SULF2: variants seen among roughly 807,000 people sequenced by gnomAD.
SULF2 encodes the protein sulfatase 2, also known as extracellular sulfatase Sulf-2.
In SULF2, 52 loss-of-function variants were observed where a neutral mutation model predicts 107.7. The ratio of observed to expected loss-of-function variants is 0.48; its 90% CI spans 0.39 to 0.61. SULF2 has a LOEUF of 0.61. Ranked by LOEUF, SULF2 falls within the 20% of genes least tolerant of loss-of-function variation. SULF2 has a pLI of 0.00. For synonymous variants in SULF2, 460 were observed against 464.3 expected (o/e 0.99, Z 0.12); for missense variants, 993 against 1,177.3 (o/e 0.84, Z 2.29).
intron 2 of SULF2, among the ~76,000 whole-genome samples, chr20:47,745,352 T>A: frequency 7.9e-6 from 1 of 126,616 alleles, no homozygotes; most frequent in Non-Finnish European, 1.6e-5. Context: ...TAACAGTGCC[T>A]CCTTCTCAGG....
At chr20:47,703,596 T>C (rs2088637642) in intron 3 of SULF2, among the ~76,000 whole-genome samples, 2 of 152,330 alleles carry the variant, frequency 1.3e-5, no homozygotes, top group African/African-American at 4.8e-5. Context: ...GGTGGGGAAC[T>C]CTTTGGCTGT....
At chr20:47,697,763 C>T (rs536603737) in intron 4 of SULF2, among the ~76,000 whole-genome samples, 61 of 152,308 alleles carry the variant, frequency 4.0e-4, no homozygotes, top group African/African-American at 1.3e-3. Context: ...AAAGGACGGA[C>T]GTTCTATGTC....
intron 3 of SULF2, among the ~76,000 whole-genome samples, chr20:47,727,548 AG>A (rs1036880348): frequency 6.6e-6 from 1 of 152,186 alleles, no homozygotes; most frequent in Non-Finnish European, 1.5e-5. Context: ...ACACCTGCTA[AG>A]GGGGTGGGAC....
At chr20:47,670,918 G>A (rs1438426034) in intron 11 of SULF2, among the ~76,000 whole-genome samples, 11 of 151,980 alleles carry the variant, frequency 7.2e-5, no homozygotes, top group Admixed American at 6.5e-4. Context: ...CTCTCATTAG[G>A]CTTTGGCTGT....
At chr20:47,670,165 G>GTTATAC (rs1205111888) in intron 11 of SULF2, among the ~76,000 whole-genome samples, 1 of 152,104 alleles carries the variant, frequency 6.6e-6, no homozygotes. Context: ...CTAGTCTGTG[G>GTTATAC]TACAATATCA....
chr20:47,745,444 T>C (rs1175072892), intron 2 of SULF2, among the ~76,000 whole-genome samples: 2 of 16,012 alleles, frequency 1.2e-4, no homozygotes, highest in African/African-American at 6.8e-4. Flanking sequence ...TATATATATA[T>C]ATATATATAT....
At chr20:47,675,463 A>C (rs1602614232) in intron 10 of SULF2, among the ~76,000 whole-genome samples, 1 of 152,318 alleles carries the variant, frequency 6.6e-6, no homozygotes, top group East Asian at 1.9e-4. Flanking sequence ...TTACAAACAC[A>C]CACTGGGTGG....
In SULF2 at chr20:47,757,255, T is replaced by C; in HGVS notation, c.109A>G (p.Arg37Gly). 1 of 1,575,200 alleles carries C rather than the reference T, an allele frequency of 6.3e-7. No homozygotes were observed. The highest frequency in any genetic ancestry group is 1.8e-5 in the Admixed American group (1 of 54,504). Residue 37 changes from arginine (R) to glycine (G), a missense_variant, in exon 2 of 21, where the codon AGG becomes GGG. By Grantham distance (125) the Arg-to-Gly change is moderately radical. Coordinates refer to ENST00000688720, the MANE Select transcript of SULF2 (RefSeq NM_001387048.1). ...TTGGGGCGGATGTTCCTGCGGTCCC[T>C]CTGAAACCTGCCTTTCAGGCGGTGG... ...SHHRLKGRFQ[R>G]DRRNIRPNII... is the part of the protein sequence containing the mutation.
chr20:47,783,504 T>C (rs2090868084), intron 1 of SULF2, among the ~76,000 whole-genome samples: 1 of 152,230 alleles, frequency 6.6e-6, no homozygotes, highest in African/African-American at 2.4e-5. Flanking sequence ...CTGGGGGACA[T>C]GCACGTGCAT....
Position 47,659,704 on chromosome 20 carries a change from G to T in SULF2, c.2521C>A (p.Gln841Lys). ...LGLKDGGSYE[Q>K]YRQFQRRKWP... is the part of the protein sequence containing the mutation. ...AATAATAAAACGAAATACCTGTATT[G>T]CTCATAGCTTCCTCCATCTTTAAGT... Residue 841 changes from glutamine (Q) to lysine (K), a missense_variant, in exon 19 of 21, where the codon CAA (glutamine) becomes AAA (lysine). Physicochemically the swap from Gln to Lys is moderately conservative, Grantham distance 53. Around this residue, in one of 3 missense-constraint regions of SULF2, gnomAD observed 497 missense variants for 544.1 expected, o/e 0.91. Coordinates refer to ENST00000688720, the MANE Select transcript of SULF2 (RefSeq NM_001387048.1). The T allele has an allele frequency of 6.2e-7, 1 of 1,612,766 alleles. No homozygotes were observed. Among genetic ancestry groups the T allele is most frequent in the East Asian group, 2.2e-5 (1 of 44,866 alleles).
intron 4 of SULF2, among the ~76,000 whole-genome samples, chr20:47,696,208 A>G (rs2088370720): frequency 1.3e-5 from 2 of 152,222 alleles, no homozygotes; most frequent in African/African-American, 4.8e-5. Context: ...TAGACACAGT[A>G]TATACCTCAC....
chr20:47,662,385 A>G (rs1231373841), intron 17 of SULF2, among the ~76,000 whole-genome samples: 1 of 152,176 alleles, frequency 6.6e-6, no homozygotes, highest in African/African-American at 2.4e-5. Flanking sequence ...ATCTAAGGAG[A>G]AAGACTGCAC....
In SULF2 at chr20:47,702,637, C is replaced by G. The variant is rs1280877367; in HGVS notation, c.449G>C (p.Gly150Ala). 2.5e-6 allele frequency: 4 copies of G among 1,613,914 alleles called. No individual in the cohort carries two copies. In the East Asian group the frequency reaches 8.9e-5, roughly 36 times the overall value. ...FFGKYLNEYN[G>A]SYVPPGWKEW... is the part of the protein sequence containing the mutation. The stretch of plus-strand genomic sequence containing the variant: ...CTTCCAGCCGGGTGGCACGTAGGAG[C>G]CGTTGTATTCATTAAGATACTTCCC... Residue 150 changes from glycine to alanine, a missense_variant, in exon 4 of 21, where the codon GGC becomes GCC. Around this residue, in one of 3 missense-constraint regions of SULF2, gnomAD observed 388 missense variants for 449.2 expected, o/e 0.86. Transcript: ENST00000688720.
intron 3 of SULF2, among the ~76,000 whole-genome samples, chr20:47,735,273 A>G (rs1197606144): frequency 6.6e-6 from 1 of 152,196 alleles, no homozygotes; most frequent in Non-Finnish European, 1.5e-5. Flanking sequence ...AGGTTGTGAA[A>G]AGAGAGTCTG....
intron 3 of SULF2, among the ~76,000 whole-genome samples, chr20:47,720,320 G>A (rs1180748894): frequency 6.6e-6 from 1 of 151,928 alleles, no homozygotes; most frequent in Non-Finnish European, 1.5e-5. Flanking sequence ...GCAGTGACAT[G>A]ATCTTGGCTC....
intron 2 of SULF2, among the ~76,000 whole-genome samples, chr20:47,745,471 A>T (rs2090014783): frequency 9.2e-6 from 1 of 108,500 alleles, no homozygotes; most frequent in Non-Finnish European, 1.8e-5. Flanking sequence ...ATACACACAC[A>T]CTTTTTTAGT....
chr20:47,663,669 G>GT lies in SULF2; in HGVS notation c.2058-48dup, dbSNP rs1175829872. ...CACACCTTGGGCCTCTGAGGGATCA[G>GT]TGACCCCATGTCTCTGCTCTTCCTG... is the stretch of plus-strand genomic sequence containing the variant. On this transcript the variant is annotated intron_variant, in intron 15 of 20. Coordinates refer to ENST00000688720, the MANE Select transcript of SULF2 (RefSeq NM_001387048.1). The GT allele has an allele frequency of 2.6e-6, 4 of 1,519,806 alleles. No individual in the cohort carries two copies. In the East Asian group the frequency reaches 9.1e-5, roughly 34 times the overall value. The allele number at this position is 1,519,806 out of a possible 1,614,324, so 94.1% of individuals were successfully genotyped here. A position where few individuals can be genotyped will look rare whatever the true frequency, so the allele number is the denominator to read the frequency against.
intron 3 of SULF2, among the ~76,000 whole-genome samples, chr20:47,725,990 C>G (rs926399954): frequency 6.6e-6 from 1 of 152,088 alleles, no homozygotes; most frequent in Non-Finnish European, 1.5e-5. Context: ...GACCCTGACC[C>G]GAGACCCAGG....
chr20:47,661,864 A>G lies in SULF2; in HGVS notation c.2403T>C (p.Asp801=). 6.3e-7 allele frequency: 1 copy of G among 1,590,114 alleles called. No homozygotes were observed. Among genetic ancestry groups the G allele is most frequent in the Non-Finnish European group, 8.6e-7 (1 of 1,163,820 alleles). ...LMNAVNTLDR[D]VLNQLHVQLM... ...GCTGTACGTGTAGCTGGTTGAGGAC[A>G]TCCCTGTCCAGTGTGTTCACTGCAT... Residue 801 remains aspartate (D), a synonymous_variant, in exon 18 of 21, where the codon GAT becomes GAC. Transcript: ENST00000688720.
Sources: gnomAD v4.1 joint callset for allele counts (sites outside exome capture counted in the v4.1 genomes callset) on GRCh38, gnomAD v4.1.1 for gene constraint, gnomAD v4.1.1 regional missense constraint, MANE v1.5 for transcripts, NCBI Gene and HGNC (gene_info 2026-07-23, HGNC 2026-07-21) for gene names.